The following EHMT1 variants were observed in gnomAD, a reference collection of about 807,000 sequenced individuals.
EHMT1 encodes the protein euchromatic histone lysine methyltransferase 1.
In EHMT1, 15 loss-of-function variants were observed where a neutral mutation model predicts 147.2. The ratio of observed to expected loss-of-function variants is 0.10; its 90% confidence interval spans 0.07 to 0.16. The LOEUF is 0.16. EHMT1 is among the 10% of genes least tolerant of loss of function. The probability of loss-of-function intolerance (pLI) is 1.00; values close to 1 mark genes in which losing one functional copy is unlikely to be tolerated. For synonymous variants in EHMT1, 795 were observed against 709.6 expected (o/e 1.12, Z -1.91); for missense variants, 1,587 against 1,772.4 (o/e 0.90, Z 1.88).
intron 1 of EHMT1, among the ~76,000 whole-genome samples, chr9:137,671,529 T>TC (rs1940642104): frequency 6.7e-6 from 1 of 148,290 alleles, no homozygotes; most frequent in Admixed American, 6.8e-5. Flanking sequence ...TCTTTTTTTT[T>TC]TTTTTTTTTT....
chr9:137,684,121 G>A (rs1344980139), intron 1 of EHMT1, among the ~76,000 whole-genome samples: 8 of 151,716 alleles, frequency 5.3e-5, no homozygotes, highest in African/African-American at 1.5e-4. Flanking sequence ...CTGTAGCCTC[G>A]ACCTCCCGGG....
At position 137,817,975 on chromosome 9, in the gene EHMT1, C is replaced by T; in HGVS notation, c.3462-85C>T. 11 of 1,300,046 alleles carry T rather than the reference C, an allele frequency of 8.5e-6. No homozygotes were observed. In the East Asian group the frequency reaches 9.2e-5, roughly 11 times the overall value. 80.5% of individuals were successfully genotyped at this position (1,300,046 alleles called of 1,614,324 possible). ...TCTTCTGGTGTGCCCTGCTCTTTCCCTGTGGCTGCGGAGTCTGGGCTGTGC... is the reference window on the plus strand; with the variant it reads ...TCTTCTGGTGTGCCCTGCTCTTTCCTTGTGGCTGCGGAGTCTGGGCTGTGC... On this transcript the variant is annotated intron_variant, in intron 24 of 26. Transcript: ENST00000460843.
chr9:137,685,934 ATTAT>A (rs1436877629), intron 1 of EHMT1, among the ~76,000 whole-genome samples: 1 of 145,508 alleles, frequency 6.9e-6, no homozygotes, highest in African/African-American at 2.5e-5. Flanking sequence ...GCGTTGTAAG[ATTAT>A]TCATTTATTT....
chr9:137,644,117 G>A (rs929237578), intron 1 of EHMT1, among the ~76,000 whole-genome samples: 6 of 152,156 alleles, frequency 3.9e-5, no homozygotes, highest in Admixed American at 1.3e-4. Flanking sequence ...GGTGGCACTC[G>A]GCACGGCTGA....
At chr9:137,739,146 C>T (rs1420095679) in intron 4 of EHMT1, among the ~76,000 whole-genome samples, 1 of 151,390 alleles carries the variant, frequency 6.6e-6, no homozygotes, top group African/African-American at 2.4e-5. Context: ...CCGAAGCAGG[C>T]AGATCACAAG....
At chr9:137,659,317 T>C (rs1938817019) in intron 1 of EHMT1, among the ~76,000 whole-genome samples, 1 of 152,030 alleles carries the variant, frequency 6.6e-6, no homozygotes, top group Non-Finnish European at 1.5e-5. Flanking sequence ...TTTGCAGTTC[T>C]TTGTATATTC....
intron 16 of EHMT1, among the ~76,000 whole-genome samples, chr9:137,797,405 C>T (rs1588762969): frequency 6.6e-6 from 1 of 152,142 alleles, no homozygotes; most frequent in Non-Finnish European, 1.5e-5. Flanking sequence ...CAGCTGGCTT[C>T]CTTCACTAAG....
At chr9:137,754,978 T>C (rs1027404870) in intron 8 of EHMT1, among the ~76,000 whole-genome samples, 9 of 152,170 alleles carry the variant, frequency 5.9e-5, no homozygotes, top group African/African-American at 2.2e-4. Flanking sequence ...CAGAGGAACT[T>C]TGTGAATCAC....
At chr9:137,645,687 C>G (rs367558478) in intron 1 of EHMT1, among the ~76,000 whole-genome samples, 1 of 152,074 alleles carries the variant, frequency 6.6e-6, no homozygotes, top group African/African-American at 2.4e-5. Context: ...CAAATGGAAT[C>G]TTAGAGAAGG....
chr9:137,649,736 G>A (rs778332112), intron 1 of EHMT1, among the ~76,000 whole-genome samples: 1 of 152,170 alleles, frequency 6.6e-6, no homozygotes, highest in Non-Finnish European at 1.5e-5. Flanking sequence ...CTACACCACC[G>A]GAGCTGGAAG....
Position 137,686,730 on chromosome 9 carries a change from CTTTTTTT to C in EHMT1, c.22-24225_22-24219del, listed in dbSNP as rs34204547. ...AGGTAGGGGTCCAACCTCATTCTTT[CTTTTTTT>C]TTTTTTTTTTTGAGATGGAGTCTCG... On this transcript the variant is annotated intron_variant, in intron 1 of 26. Transcript: ENST00000460843. 7.6e-3 allele frequency among the ~76,000 whole-genome samples: 849 copies of C among 111,020 alleles called. 7 individuals are homozygous for C. The highest frequency in any genetic ancestry group is 0.056 in the Middle Eastern group (10 of 180). 72.8% of individuals were successfully genotyped at this position (111,020 alleles called of 152,430 possible). A position where few individuals can be genotyped will look rare whatever the true frequency, so the allele number is the denominator to read the frequency against.
At chr9:137,719,473 G>T (rs564854874) in intron 3 of EHMT1, among the ~76,000 whole-genome samples, 1 of 152,200 alleles carries the variant, frequency 6.6e-6, no homozygotes, top group Non-Finnish European at 1.5e-5. Context: ...GCACCTCGTG[G>T]TGCGGACAAC....
chr9:137,654,224 T>C (rs992884681), intron 1 of EHMT1, among the ~76,000 whole-genome samples: 1 of 152,028 alleles, frequency 6.6e-6, no homozygotes, highest in Non-Finnish European at 1.5e-5. Flanking sequence ...ATTAGCCTGA[T>C]GTGGTGGTGG....
At position 137,807,414 on chromosome 9, in the gene EHMT1, T is replaced by C. The variant is rs193131164; in HGVS notation, c.2713-4047T>C. 4.9e-3 allele frequency among the ~76,000 whole-genome samples: 742 copies of C among 152,280 alleles called. 2 individuals carry two copies. Among genetic ancestry groups the C allele is most frequent in the Non-Finnish European group, 8.7e-3 (590 of 68,014 alleles). The stretch of plus-strand genomic sequence containing the variant: ...GTTCTGTTGGAGTCTTTCAAACATT[T>C]CCTAACATGTTTCTACTTAACTTTC... On this transcript the variant is annotated intron_variant, in intron 18 of 26. Transcript: ENST00000460843.
chr9:137,744,437 G>GC (rs1444938173), intron 6 of EHMT1, among the ~76,000 whole-genome samples: 1 of 151,828 alleles, frequency 6.6e-6, no homozygotes, highest in Non-Finnish European at 1.5e-5. Context: ...TCCCATCCCA[G>GC]CCCCCCGAGC....
chr9:137,649,674 C>T (rs923010504), intron 1 of EHMT1, among the ~76,000 whole-genome samples: 31 of 152,104 alleles, frequency 2.0e-4, no homozygotes, highest in East Asian at 5.8e-4. Context: ...GCCACAGCAG[C>T]GGAGGCAGAG....
chr9:137,817,885 C>T (rs986400487), intron 24 of EHMT1, 175 bp from the exon 25 acceptor site: 50 of 686,798 alleles, frequency 7.3e-5, no homozygotes, highest in South Asian at 2.5e-4. Context: ...CATCATCCTC[C>T]GGACCCTCAG....
intron 1 of EHMT1, among the ~76,000 whole-genome samples, chr9:137,706,223 A>G (rs1944261848): frequency 1.3e-5 from 2 of 152,156 alleles, no homozygotes; most frequent in Non-Finnish European, 2.9e-5. Flanking sequence ...AGGGAAATGC[A>G]GATGATTTTT....
intron 3 of EHMT1, among the ~76,000 whole-genome samples, chr9:137,717,763 C>T (rs893121169): frequency 3.9e-5 from 6 of 152,152 alleles, no homozygotes; most frequent in Non-Finnish European, 7.4e-5. Flanking sequence ...TTCAAGGAGG[C>T]CACGGCCTCT....
Sources: allele counts gnomAD v4.1 joint callset (sites outside exome capture counted in the v4.1 genomes callset), GRCh38; gene constraint gnomAD v4.1.1; transcripts MANE v1.5; gene names NCBI Gene and HGNC (gene_info 2026-07-23, HGNC 2026-07-21).